Variants in PPARGC1A observed in about 807,000 individuals in gnomAD.
PPARGC1A encodes peroxisome proliferator-activated receptor gamma coactivator 1-alpha.
A neutral mutation model predicts 88.7 loss-of-function variants in PPARGC1A; 25 were observed. The observed-to-expected ratio is 0.28, with a 90% CI of 0.21 to 0.39. The LOEUF is 0.39. Among genes scored for constraint, PPARGC1A ranks in the 10% least tolerant of loss-of-function variants. The pLI is 1.00. For synonymous variants in PPARGC1A, 363 were observed against 355.6 expected (o/e 1.02, Z -0.24); for missense variants, 880 against 968.7 (o/e 0.91, Z 1.22).
At chr4:24,130,012 C>T in the PPARGC1A span, among the ~76,000 whole-genome samples, 2 of 151,560 alleles carry the variant, frequency 1.3e-5, no homozygotes, top group Non-Finnish European at 2.9e-5. Flanking sequence ...GTGGGGGGAC[C>T]GGGGAGGGAC....
At chr4:23,949,560 G>T in the PPARGC1A span, among the ~76,000 whole-genome samples, 3 of 152,142 alleles carry the variant, frequency 2.0e-5, no homozygotes, top group African/African-American at 2.4e-5. Flanking sequence ...GTGATCACTC[G>T]TTCCATCTGT....
chr4:24,079,940 A>T, the PPARGC1A span, among the ~76,000 whole-genome samples: 1 of 151,960 alleles, frequency 6.6e-6, no homozygotes, highest in Non-Finnish European at 1.5e-5. Flanking sequence ...TGTTTTAATT[A>T]CCATTAACTT....
chr4:24,328,953 C>T, the PPARGC1A span, among the ~76,000 whole-genome samples: 4 of 152,214 alleles, frequency 2.6e-5, no homozygotes, highest in African/African-American at 7.2e-5. Flanking sequence ...ACTTCAATTC[C>T]GTTGAACCTT....
At chr4:24,104,254 T>C in the PPARGC1A span, among the ~76,000 whole-genome samples, 1 of 152,206 alleles carries the variant, frequency 6.6e-6, no homozygotes, top group Non-Finnish European at 1.5e-5. Context: ...TAGGGGTTTA[T>C]CACATACTTT....
the PPARGC1A span, among the ~76,000 whole-genome samples, chr4:24,179,480 TTC>T: frequency 8.6e-5 from 13 of 151,524 alleles, 1 homozygote; most frequent in South Asian, 4.2e-4. Flanking sequence ...CTCTTCCATG[TTC>T]TCTCTCTCTC....
At chr4:24,385,726 G>A in the PPARGC1A span, among the ~76,000 whole-genome samples, 1 of 152,092 alleles carries the variant, frequency 6.6e-6, no homozygotes, top group African/African-American at 2.4e-5. Flanking sequence ...CCAATAACAT[G>A]TTCTGAAATT....
the PPARGC1A span, among the ~76,000 whole-genome samples, chr4:23,947,396 TA>T: frequency 1.0e-4 from 2 of 19,842 alleles, no homozygotes; most frequent in African/African-American, 3.7e-4. Flanking sequence ...TATATATATA[TA>T]AAAAAAACGG....
rs1577690194 is a variant in PPARGC1A, at chr4:23,896,590, CAGAGGT to C, written n.52+2671_52+2676del. On this transcript the variant is annotated intron_variant and non_coding_transcript_variant, in intron 1 of 3. Transcript: ENST00000507342. ...GCTATCAGCTACTATCAGCTTGCCT[CAGAGGT>C]AGACCCAAAACCACTAACCCCCAGA... Among the ~76,000 whole-genome samples the C allele has an allele frequency of 2.0e-5, 3 of 152,238 alleles. No homozygotes were observed. The East Asian group carries it at 5.8e-4, about 29-fold the overall frequency.
the PPARGC1A span, among the ~76,000 whole-genome samples, chr4:24,230,225 G>A: frequency 6.6e-6 from 1 of 152,098 alleles, no homozygotes; most frequent in Non-Finnish European, 1.5e-5. Context: ...AACAAGCCCT[G>A]GTATTTGGCT....
chr4:24,418,785 T>C, the PPARGC1A span, among the ~76,000 whole-genome samples: 2 of 152,244 alleles, frequency 1.3e-5, no homozygotes, highest in Non-Finnish European at 2.9e-5. Context: ...ATTACCAACA[T>C]ACCCTCCACA....
the PPARGC1A span, among the ~76,000 whole-genome samples, chr4:24,304,577 C>T: frequency 6.6e-6 from 1 of 152,236 alleles, no homozygotes; most frequent in African/African-American, 2.4e-5. Flanking sequence ...TGGTCTGGCT[C>T]CAGAGTCTAT....
the PPARGC1A span, among the ~76,000 whole-genome samples, chr4:24,015,539 G>T: frequency 6.6e-6 from 1 of 152,228 alleles, no homozygotes; most frequent in Non-Finnish European, 1.5e-5. Context: ...GCTCATCCTA[G>T]ATCTGGCTTT....
At chr4:24,190,124 T>C in the PPARGC1A span, among the ~76,000 whole-genome samples, 1 of 152,180 alleles carries the variant, frequency 6.6e-6, no homozygotes, top group African/African-American at 2.4e-5. Context: ...AGTAATCGGC[T>C]TCTTTGCTGC....
At chr4:24,461,994 G>C in the PPARGC1A span, among the ~76,000 whole-genome samples, 1 of 152,152 alleles carries the variant, frequency 6.6e-6, no homozygotes, top group African/African-American at 2.4e-5. Context: ...ATCCAGGTGG[G>C]TGGGGCTCCA....
At chr4:24,456,329 G>A in the PPARGC1A span, among the ~76,000 whole-genome samples, 2 of 152,188 alleles carry the variant, frequency 1.3e-5, no homozygotes, top group African/African-American at 2.4e-5. Context: ...TGAGACAAGA[G>A]GTTGAGGGAA....
the PPARGC1A span, among the ~76,000 whole-genome samples, chr4:24,236,679 C>G: frequency 6.6e-6 from 1 of 152,184 alleles, no homozygotes; most frequent in Non-Finnish European, 1.5e-5. Flanking sequence ...CAAACACATA[C>G]TCACATATCC....
chr4:23,839,763 G>A (rs973890714), intron 2 of PPARGC1A, among the ~76,000 whole-genome samples: 8 of 151,898 alleles, frequency 5.3e-5, no homozygotes, highest in African/African-American at 1.7e-4. Flanking sequence ...GAAGGAAAGG[G>A]GAACAAGTCA....
At chr4:23,807,747 G>T (rs955545338) in intron 10 of PPARGC1A, among the ~76,000 whole-genome samples, 3 of 149,022 alleles carry the variant, frequency 2.0e-5, no homozygotes, top group Non-Finnish European at 4.4e-5. Context: ...GTGTGTGTGT[G>T]TGTGTGTATG....
the PPARGC1A span, among the ~76,000 whole-genome samples, chr4:24,037,141 T>G: frequency 6.6e-6 from 1 of 152,252 alleles, no homozygotes; most frequent in African/African-American, 2.4e-5. Context: ...AAACAGGCTC[T>G]GAAGTCAGAA....
Sources: allele counts gnomAD v4.1 joint callset (sites outside exome capture counted in the v4.1 genomes callset), GRCh38; gene constraint gnomAD v4.1.1; transcripts MANE v1.5; gene names NCBI Gene and HGNC (gene_info 2026-07-23, HGNC 2026-07-21).